RNLS: variants seen among roughly 807,000 people sequenced by gnomAD.
RNLS encodes renalase.
A neutral mutation model predicts 39.8 loss-of-function variants in RNLS; 39 were observed. The observed-to-expected ratio is 0.98, with a 90% CI of 0.76 to 1.28. RNLS has a LOEUF of 1.28. Among genes scored for constraint, RNLS ranks in the 50% most tolerant of loss-of-function variants. RNLS has a pLI of 0.00. For synonymous variants in RNLS, 147 were observed against 150.7 expected (o/e 0.98, Z 0.18); for missense variants, 410 against 413.3 (o/e 0.99, Z 0.07).
intron 4 of RNLS, among the ~76,000 whole-genome samples, chr10:88,388,779 T>C (rs1466991957): frequency 6.6e-6 from 1 of 152,132 alleles, no homozygotes; most frequent in Non-Finnish European, 1.5e-5. Context: ...TTCCCCCTAC[T>C]AGTAATCAAA....
intron 5 of RNLS, among the ~76,000 whole-genome samples, chr10:88,336,174 T>C (rs1257037843): frequency 6.6e-6 from 1 of 152,186 alleles, no homozygotes; most frequent in East Asian, 1.9e-4. Flanking sequence ...CCTAAGAAAC[T>C]TTTCTATCAT....
At chr10:88,531,474 T>C (rs1847421961) in intron 4 of RNLS, among the ~76,000 whole-genome samples, 1 of 152,078 alleles carries the variant, frequency 6.6e-6, no homozygotes, top group South Asian at 2.1e-4. Flanking sequence ...AAAAGCTTTA[T>C]AGAAAGAGCA....
At chr10:88,565,203 C>T (rs1849422143) in intron 4 of RNLS, among the ~76,000 whole-genome samples, 1 of 152,000 alleles carries the variant, frequency 6.6e-6, no homozygotes, top group South Asian at 2.1e-4. Context: ...TAGTGTTATT[C>T]TATGTTTCTG....
intron 5 of RNLS, among the ~76,000 whole-genome samples, chr10:88,337,479 C>A (rs1847587125): frequency 6.6e-6 from 1 of 152,212 alleles, no homozygotes; most frequent in Non-Finnish European, 1.5e-5. Flanking sequence ...ATAATGGGTA[C>A]ATAACTAAAG....
intron 4 of RNLS, among the ~76,000 whole-genome samples, chr10:88,530,486 G>C (rs770206668): frequency 1.3e-5 from 2 of 151,750 alleles, no homozygotes; most frequent in Non-Finnish European, 2.9e-5. Context: ...ACAATTTTAT[G>C]TAGTTATTTT....
intron 4 of RNLS, among the ~76,000 whole-genome samples, chr10:88,514,858 C>T (rs1846322426): frequency 6.6e-6 from 1 of 152,020 alleles, no homozygotes; most frequent in South Asian, 2.1e-4. Flanking sequence ...TGATATCTCT[C>T]TAAGAGCCTG....
At chr10:88,539,677 T>C (rs1589979721) in intron 4 of RNLS, among the ~76,000 whole-genome samples, 2 of 152,138 alleles carry the variant, frequency 1.3e-5, no homozygotes, top group Non-Finnish European at 2.9e-5. Context: ...TCTGTAAATA[T>C]CTAACTTACT....
At chr10:88,398,140 C>G (rs1409164444) in intron 4 of RNLS, among the ~76,000 whole-genome samples, 1 of 152,018 alleles carries the variant, frequency 6.6e-6, no homozygotes, top group Non-Finnish European at 1.5e-5. Flanking sequence ...TTGTTATACT[C>G]ATAGATCCCA....
the RNLS span, among the ~76,000 whole-genome samples, chr10:88,204,656 A>G: frequency 9.2e-5 from 14 of 152,176 alleles, no homozygotes; most frequent in Admixed American, 9.2e-4. Context: ...GGGTATTATT[A>G]TCTTCTCCCC....
At chr10:88,213,618 A>G in the RNLS span, among the ~76,000 whole-genome samples, 777 of 152,220 alleles carry the variant, frequency 5.1e-3, 3 homozygotes, top group Non-Finnish European at 9.0e-3. Context: ...TCTTGAATTC[A>G]GACACTTTTT....
chr10:88,452,372 C>T (rs1842410146), intron 4 of RNLS, among the ~76,000 whole-genome samples: 1 of 152,196 alleles, frequency 6.6e-6, no homozygotes, highest in South Asian at 2.1e-4. Flanking sequence ...TATAATCACA[C>T]ACTGCATGCT....
intron 4 of RNLS, among the ~76,000 whole-genome samples, chr10:88,485,084 T>C (rs1844413281): frequency 6.6e-6 from 1 of 151,940 alleles, no homozygotes; most frequent in Non-Finnish European, 1.5e-5. Flanking sequence ...CCAATCAAAA[T>C]CCCAGCAGGT....
intron 4 of RNLS, among the ~76,000 whole-genome samples, chr10:88,546,323 T>C (rs1848311921): frequency 2.0e-5 from 3 of 152,056 alleles, no homozygotes; most frequent in African/African-American, 4.8e-5. Flanking sequence ...GTGGCACTCT[T>C]GTCCATTCAG....
chr10:88,248,524 G>A, the RNLS span, among the ~76,000 whole-genome samples: 1 of 152,132 alleles, frequency 6.6e-6, no homozygotes. Context: ...GCTGCCCCTG[G>A]ACACTCATTT....
At chr10:88,469,010 G>A (rs1391599355) in intron 4 of RNLS, among the ~76,000 whole-genome samples, 1 of 151,952 alleles carries the variant, frequency 6.6e-6, no homozygotes, top group East Asian at 1.9e-4. Flanking sequence ...TTTAATGTCA[G>A]GGAAAATAAA....
chr10:88,532,679 G>C (rs1159412240), intron 4 of RNLS, among the ~76,000 whole-genome samples: 5 of 151,930 alleles, frequency 3.3e-5, no homozygotes, highest in African/African-American at 1.2e-4. Flanking sequence ...GAAATCCTAA[G>C]GATAAAGTGT....
intron 3 of RNLS, among the ~76,000 whole-genome samples, chr10:88,579,918 A>G (rs777259656): frequency 3.9e-5 from 6 of 152,162 alleles, no homozygotes; most frequent in Non-Finnish European, 5.9e-5. Flanking sequence ...GCCTCATCCA[A>G]TCAGTTGAAG....
chr10:88,226,293 T>C, the RNLS span, among the ~76,000 whole-genome samples: 1 of 152,218 alleles, frequency 6.6e-6, no homozygotes, highest in South Asian at 2.1e-4. Context: ...AATTTCAGTC[T>C]TCAATAAACA....
chr10:88,200,614 A>G, the RNLS span, among the ~76,000 whole-genome samples: 2 of 152,174 alleles, frequency 1.3e-5, no homozygotes, highest in Non-Finnish European at 2.9e-5. Flanking sequence ...CTCCATAGCA[A>G]TGTTTAAAGA....
Sources: allele counts gnomAD v4.1 joint callset (sites outside exome capture counted in the v4.1 genomes callset), GRCh38; gene constraint gnomAD v4.1.1; transcripts MANE v1.5; gene names NCBI Gene and HGNC (gene_info 2026-07-23, HGNC 2026-07-21).